The following RAB9A variants were observed in gnomAD, a reference collection of about 807,000 sequenced individuals.
RAB9A encodes the protein ras-related protein Rab-9A.
Under a neutral mutation model 10.3 loss-of-function variants are expected in RAB9A, and 1 was observed. The observed-to-expected ratio is 0.10, with a 90% CI of 0.03 to 0.46. RAB9A has a LOEUF of 0.46. RAB9A is among the 20% of genes least tolerant of loss of function. The pLI is 0.96. For synonymous variants in RAB9A, 39 were observed against 55.2 expected (o/e 0.71, Z 1.30); for missense variants, 92 against 150.3 (o/e 0.61, Z 2.03).
At chrX:13,695,550 C>G (rs899210932) in intron 1 of RAB9A, among the ~76,000 whole-genome samples, 10 of 112,285 alleles carry the variant, frequency 8.9e-5, no homozygotes, top group African/African-American at 2.6e-4. Context: ...TTTGAGCAAG[C>G]AAGGCAATAG....
intron 1 of RAB9A, among the ~76,000 whole-genome samples, chrX:13,689,706 G>A (rs1404631567): frequency 9.0e-6 from 1 of 111,426 alleles, no homozygotes; most frequent in Non-Finnish European, 1.9e-5. Context: ...AAACAAAGGC[G>A]CTCCCATGAC....
intron 1 of RAB9A, among the ~76,000 whole-genome samples, chrX:13,691,929 C>T (rs906997997): frequency 1.8e-5 from 2 of 109,434 alleles, no homozygotes; most frequent in African/African-American, 6.7e-5. Context: ...GTTCTGACAT[C>T]ATCCTAGAAC....
rs2046212623 is a variant in RAB9A, at chrX:13,709,506, A to G, written c.*154A>G. On this transcript the variant is annotated 3_prime_UTR_variant, in exon 3 of 3. Coordinates refer to ENST00000464506, the MANE Select transcript of RAB9A (RefSeq NM_004251.5). ...CATTAGTTGGTGGGAGAAGGGACACATCCACTCTTGGAGGAATATATTTAC... is the reference window on the plus strand; with the variant it reads ...CATTAGTTGGTGGGAGAAGGGACACGTCCACTCTTGGAGGAATATATTTAC... 10 of 542,179 alleles carry G rather than the reference A, an allele frequency of 1.8e-5. No homozygotes were observed. The South Asian group carries it at 4.4e-4, about 24-fold the overall frequency. The allele number at this position is 542,179 out of a possible 1,213,427, so 44.7% of individuals were successfully genotyped here.
At chrX:13,693,266 A>C (rs1380326683) in intron 1 of RAB9A, among the ~76,000 whole-genome samples, 1 of 112,258 alleles carries the variant, frequency 8.9e-6, no homozygotes, top group Non-Finnish European at 1.9e-5. Context: ...TAGATAATAG[A>C]CTCTTCAGTC....
chrX:13,701,342 C>G (rs2046172853), intron 1 of RAB9A, among the ~76,000 whole-genome samples: 1 of 111,273 alleles, frequency 9.0e-6, no homozygotes, highest in African/African-American at 3.3e-5. Flanking sequence ...ACTTCCTTCA[C>G]TTAGCATAAT....
At chrX:13,692,328 TAAAG>T (rs371674660) in intron 1 of RAB9A, among the ~76,000 whole-genome samples, 8 of 110,782 alleles carry the variant, frequency 7.2e-5, no homozygotes, top group African/African-American at 2.6e-4. Context: ...TAACAATAAT[TAAAG>T]AAAACAACTC....
intron 2 of RAB9A, among the ~76,000 whole-genome samples, chrX:13,704,785 T>G (rs1481626272): frequency 9.0e-6 from 1 of 110,633 alleles, no homozygotes; most frequent in African/African-American, 3.3e-5. Flanking sequence ...CGGCTAATTT[T>G]TGTATTTTTA....
At chrX:13,691,115 T>G (rs772382223) in intron 1 of RAB9A, among the ~76,000 whole-genome samples, 1 of 111,363 alleles carries the variant, frequency 9.0e-6, no homozygotes, top group Non-Finnish European at 1.9e-5. Context: ...ATTTAATTTT[T>G]AAATTTTGCT....
chrX:13,696,800 A>G (rs1478497629), intron 1 of RAB9A, among the ~76,000 whole-genome samples: 1 of 111,865 alleles, frequency 8.9e-6, no homozygotes, highest in Non-Finnish European at 1.9e-5. Context: ...ATGGGTAGTG[A>G]TGGGCAGAGT....
chrX:13,707,411 A>G (rs969350046), intron 2 of RAB9A, among the ~76,000 whole-genome samples: 2 of 112,003 alleles, frequency 1.8e-5, no homozygotes, highest in Non-Finnish European at 3.8e-5. Flanking sequence ...CTGGGTTTAG[A>G]GTTCATGGGA....
In RAB9A at chrX:13,703,560, A is replaced by G. The variant is rs892513167; in HGVS notation, c.-115-254A>G. ...GCTTTAAAAAGTGGTTGGTGGGGAG[A>G]GTGGTTGAAACCTTTGGTTCAGACC... On this transcript the variant is annotated intron_variant, in intron 1 of 2. Transcript: ENST00000464506. Among the ~76,000 whole-genome samples, 7 of 112,097 alleles carry G rather than the reference A, an allele frequency of 6.2e-5. No individual in the cohort carries two copies. The East Asian group carries it at 1.7e-3, about 27-fold the overall frequency.
At chrX:13,701,532 C>T (rs2046173746) in intron 1 of RAB9A, among the ~76,000 whole-genome samples, 1 of 111,467 alleles carries the variant, frequency 9.0e-6, no homozygotes, top group Non-Finnish European at 1.9e-5. Flanking sequence ...ATGGACATTT[C>T]TGTAATTGGA....
At chrX:13,700,676 A>G (rs775769015) in intron 1 of RAB9A, among the ~76,000 whole-genome samples, 1 of 112,198 alleles carries the variant, frequency 8.9e-6, no homozygotes, top group African/African-American at 3.2e-5. Context: ...CTGAAGGGAC[A>G]AGGAGAACAT....
intron 1 of RAB9A, among the ~76,000 whole-genome samples, chrX:13,691,906 G>T (rs767034499): frequency 9.1e-6 from 1 of 109,838 alleles, no homozygotes; most frequent in East Asian, 2.8e-4. Context: ...TCCAATCACA[G>T]TCATAAGATT....
intron 1 of RAB9A, among the ~76,000 whole-genome samples, chrX:13,693,000 T>C (rs2046132680): frequency 8.9e-6 from 1 of 112,113 alleles, no homozygotes. Context: ...CGAGATAAAT[T>C]GGTGCTAGAG....
intron 1 of RAB9A, among the ~76,000 whole-genome samples, chrX:13,691,659 CAAAAAAAA>C (rs765886332): frequency 3.8e-4 from 6 of 15,931 alleles, no homozygotes; most frequent in Non-Finnish European, 7.5e-4. Context: ...GACTCCATCT[CAAAAAAAA>C]AAAAAAAAAA....
chrX:13,692,821 C>T (rs4830889), intron 1 of RAB9A, among the ~76,000 whole-genome samples: 33,811 of 110,996 alleles, frequency 0.3, 3,846 homozygotes, highest in South Asian at 0.49. Context: ...TGGTTTTTGA[C>T]TCATGCCAAT....
At chrX:13,693,952 A>T (rs2046136880) in intron 1 of RAB9A, among the ~76,000 whole-genome samples, 1 of 111,683 alleles carries the variant, frequency 9.0e-6, no homozygotes, top group Non-Finnish European at 1.9e-5. Context: ...TTGACAGGGG[A>T]TGGAGAAACA....
intron 1 of RAB9A, among the ~76,000 whole-genome samples, chrX:13,691,918 G>C (rs2046126515): frequency 9.1e-6 from 1 of 109,695 alleles, no homozygotes; most frequent in Non-Finnish European, 1.9e-5. Context: ...CATAAGATTA[G>C]GTTCTGACAT....
Sources: allele counts gnomAD v4.1 joint callset (sites outside exome capture counted in the v4.1 genomes callset), GRCh38; gene constraint gnomAD v4.1.1; transcripts MANE v1.5; gene names NCBI Gene and HGNC (gene_info 2026-07-23, HGNC 2026-07-21).